Variants in ZDHHC7 observed in about 807,000 individuals in gnomAD.
ZDHHC7 encodes the protein zDHHC palmitoyltransferase 7, also known as palmitoyltransferase ZDHHC7.
A neutral mutation model predicts 34.1 loss-of-function variants in ZDHHC7; 12 were observed. The ratio of observed to expected loss-of-function variants is 0.35; its 90% CI spans 0.23 to 0.57. The LOEUF is 0.57. Among genes scored for constraint, ZDHHC7 ranks in the 20% least tolerant of loss-of-function variants. ZDHHC7 has a pLI of 0.84. For synonymous variants in ZDHHC7, 185 were observed against 155.4 expected, an observed-to-expected ratio of 1.19 and a Z score of -1.42; for missense variants, 388 against 402.7, an observed-to-expected ratio of 0.96 and a Z score of 0.31.
chr16:85,012,606 A>C (rs1473903616), upstream of ZDHHC7, among the ~76,000 whole-genome samples: 3 of 151,948 alleles, frequency 2.0e-5, no homozygotes, highest in African/African-American at 7.3e-5. Context: ...AAGACACCTA[A>C]AGAAAACCAG....
intron 1 of ZDHHC7, among the ~76,000 whole-genome samples, chr16:84,999,347 C>T (rs1463832949): frequency 6.6e-6 from 1 of 152,118 alleles, no homozygotes; most frequent in African/African-American, 2.4e-5. Context: ...CCCTGTGACT[C>T]AGAGATTCCA....
rs35823318 is a variant in ZDHHC7 at position 84,989,694 on chromosome 16, C to CAAAAAAA, written c.315+603_315+609dup. Among the ~76,000 whole-genome samples the CAAAAAAA allele has an allele frequency of 7.3e-5, 7 of 96,482 alleles. 1 individual carries two copies. Among genetic ancestry groups the CAAAAAAA allele is most frequent in the African/African-American group, 1.2e-4 (3 of 24,364 alleles). 63.3% of individuals were successfully genotyped at this position (96,482 alleles called of 152,430 possible). On this transcript the variant is annotated intron_variant, in intron 3 of 7. Transcript: ENST00000313732. Reference sequence around the variant, plus strand: ...GGGCAAAAAGAGCAAAACTCCGTCTCAAAAAAAAAAAAAAAAAAAAGTCCT... The same window carrying CAAAAAAA: ...GGGCAAAAAGAGCAAAACTCCGTCTCAAAAAAAAAAAAAAAAAAAAAAAAAAAGTCCT...
chr16:84,985,952 CAAAAAAAAA>C (rs58315276), intron 3 of ZDHHC7, among the ~76,000 whole-genome samples: 6 of 54,030 alleles, frequency 1.1e-4, no homozygotes, highest in East Asian at 5.0e-4. Context: ...GAGACTGTCT[CAAAAAAAAA>C]AAAAAAAAAA....
intron 1 of ZDHHC7, 132 bp from the exon 2 acceptor site, chr16:84,996,139 T>C (rs1174709024): frequency 2.0e-5 from 3 of 152,358 alleles, no homozygotes; most frequent in South Asian, 2.1e-4. Context: ...AGAACTATCC[T>C]TAAGTATGAA....
At chr16:85,001,546 C>T (rs907470997) in intron 1 of ZDHHC7, among the ~76,000 whole-genome samples, 1 of 150,700 alleles carries the variant, frequency 6.6e-6, no homozygotes, top group Non-Finnish European at 1.5e-5. Flanking sequence ...TCCAGGTAAG[C>T]AAGAGGAGGA....
the ZDHHC7 span, among the ~76,000 whole-genome samples, chr16:85,019,528 G>A: frequency 1.3e-5 from 2 of 152,120 alleles, no homozygotes; most frequent in South Asian, 2.1e-4. Flanking sequence ...GACCAGCCTG[G>A]CCAATATGGT....
intron 3 of ZDHHC7, among the ~76,000 whole-genome samples, chr16:84,985,037 A>AT (rs534704254): frequency 9.2e-5 from 14 of 151,790 alleles, no homozygotes; most frequent in Non-Finnish European, 2.1e-4. Context: ...CATTTTAACC[A>AT]TTTTCGGGAC....
At chr16:84,997,200 G>C (rs2072590365) in intron 1 of ZDHHC7, among the ~76,000 whole-genome samples, 1 of 151,146 alleles carries the variant, frequency 6.6e-6, no homozygotes, top group Non-Finnish European at 1.5e-5. Flanking sequence ...ACAAAAAGAG[G>C]AACAGTTTAA....
intron 7 of ZDHHC7, 72 bp from the exon 8 acceptor site, chr16:84,976,591 A>T: frequency 6.4e-7 from 1 of 1,561,844 alleles, no homozygotes; most frequent in Non-Finnish European, 8.7e-7. Context: ...CCTCAGAATC[A>T]CACCGTGCTC....
chr16:85,008,503 C>G (rs1229650356), intron 1 of ZDHHC7, among the ~76,000 whole-genome samples: 2 of 95,714 alleles, frequency 2.1e-5, no homozygotes, highest in Non-Finnish European at 4.2e-5. Flanking sequence ...ACCACCTACA[C>G]CCCCCCCCAA....
At chr16:85,014,369 A>G (rs2072825722), upstream of ZDHHC7, among the ~76,000 whole-genome samples, 1 of 152,212 alleles carries the variant, frequency 6.6e-6, no homozygotes. Flanking sequence ...ATGCACAGTT[A>G]CAACAATCTG....
At chr16:85,006,655 G>A (rs551837533) in intron 1 of ZDHHC7, among the ~76,000 whole-genome samples, 9 of 152,220 alleles carry the variant, frequency 5.9e-5, no homozygotes, top group Middle Eastern at 3.4e-3. Context: ...TGGGAGGATC[G>A]CTTCAGCCCA....
chr16:85,004,641 C>A (rs1597562626), intron 1 of ZDHHC7, among the ~76,000 whole-genome samples: 1 of 146,150 alleles, frequency 6.8e-6, no homozygotes, highest in African/African-American at 2.4e-5. Context: ...TCTGCCATCA[C>A]CTCAATGGAA....
chr16:85,005,133 A>C (rs1163130127), intron 1 of ZDHHC7: 1 of 152,152 alleles, frequency 6.6e-6, no homozygotes, highest in Non-Finnish European at 1.5e-5. Flanking sequence ...AGAAATCTAA[A>C]TCCAGAAATA....
At chr16:85,026,492 G>A in the ZDHHC7 span, among the ~76,000 whole-genome samples, 1 of 151,960 alleles carries the variant, frequency 6.6e-6, no homozygotes. Flanking sequence ...GAGCTATGGT[G>A]CTGAAGGCTC....
At chr16:85,021,908 G>C in the ZDHHC7 span, among the ~76,000 whole-genome samples, 2 of 152,048 alleles carry the variant, frequency 1.3e-5, no homozygotes, top group African/African-American at 2.4e-5. Context: ...TGTAATCGCA[G>C]CACTTTGGGA....
In ZDHHC7 at chr16:85,000,842, T is replaced by C. The variant is rs187725682; in HGVS notation, c.-103-4835A>G. 2.5e-3 allele frequency among the ~76,000 whole-genome samples: 380 copies of C among 152,268 alleles called. 10 individuals carry two copies. The highest frequency in any genetic ancestry group is 0.021 in the Admixed American group (316 of 15,298). On this transcript the variant is annotated intron_variant, in intron 1 of 7. Transcript: ENST00000313732. ...AGCGCACACAGCAGCGAGGTGAGGA[T>C]CCAATGTGCAAAGTGCTTTCCCCAA...
chr16:85,023,564 A>G, the ZDHHC7 span, among the ~76,000 whole-genome samples: 2 of 152,340 alleles, frequency 1.3e-5, no homozygotes, highest in Middle Eastern at 3.4e-3. Context: ...GTGCTAATGC[A>G]TATCACCTGC....
chr16:84,993,435 T>C (rs1324515669), intron 2 of ZDHHC7, among the ~76,000 whole-genome samples: 1 of 151,986 alleles, frequency 6.6e-6, no homozygotes, highest in Non-Finnish European at 1.5e-5. Context: ...AGTTTGAGAC[T>C]GGCCTGCGCA....
Sources: allele counts gnomAD v4.1 joint callset (sites outside exome capture counted in the v4.1 genomes callset), GRCh38; gene constraint gnomAD v4.1.1; transcripts MANE v1.5; gene names NCBI Gene and HGNC (gene_info 2026-07-23, HGNC 2026-07-21).